The following DOP1B variants were observed in gnomAD, a reference collection of about 807,000 sequenced individuals.
DOP1B encodes the protein DOP1 leucine zipper like protein B.
Under a neutral mutation model 233.5 loss-of-function variants are expected in DOP1B, and 174 were observed. The ratio of observed to expected loss-of-function variants is 0.75; its 90% CI spans 0.66 to 0.85. The LOEUF is 0.85. DOP1B is among the 40% of genes least tolerant of loss of function. DOP1B has a pLI of 0.00. For missense variants in DOP1B, 2,652 were observed against 2,846.6 expected, an observed-to-expected ratio of 0.93 and a Z score of 1.56; for synonymous variants, 1,190 against 1,185.6, an observed-to-expected ratio of 1.00 and a Z score of -0.08.
intron 4 of DOP1B, among the ~76,000 whole-genome samples, chr21:36,201,345 C>CTTTTTTTTTTTTCTTTTTT (rs2066363912): frequency 2.4e-5 from 2 of 83,290 alleles, no homozygotes; most frequent in Non-Finnish European, 2.2e-5. Flanking sequence ...CTATTGGATT[C>CTTTTTTTTTTTTCTTTTTT]TTTTTTTTTT....
At chr21:36,167,726 G>A (rs1028399768) in intron 2 of DOP1B, among the ~76,000 whole-genome samples, 4 of 111,414 alleles carry the variant, frequency 3.6e-5, no homozygotes, top group African/African-American at 1.1e-4. Context: ...CCCCAGCCCC[G>A]GTAACCACGA....
At chr21:36,260,035 CGGT>C (rs2067150230) in intron 23 of DOP1B, among the ~76,000 whole-genome samples, 1 of 151,324 alleles carries the variant, frequency 6.6e-6, no homozygotes, top group African/African-American at 2.4e-5. Context: ...TGGCCGGGTG[CGGT>C]GGTTCTACTT....
chr21:36,229,464 C>G (rs9975556), intron 13 of DOP1B, among the ~76,000 whole-genome samples: 3,272 of 152,168 alleles, frequency 0.022, 42 homozygotes, highest in Non-Finnish European at 0.033. Context: ...GTCTCTGTGT[C>G]CAGATCTCTC....
chr21:36,276,944 C>G (rs1401046338), intron 27 of DOP1B, 77 bp from the exon 28 acceptor site: 1 of 1,442,744 alleles, frequency 6.9e-7, no homozygotes. Context: ...GGCTCACATT[C>G]ATGCAGGGCT....
At chr21:36,230,281 C>G (rs896074448) in intron 13 of DOP1B, among the ~76,000 whole-genome samples, 169 bp from the exon 14 acceptor site, 1 of 152,192 alleles carries the variant, frequency 6.6e-6, no homozygotes, top group Non-Finnish European at 1.5e-5. Context: ...CTCTCCTTCT[C>G]CTGCTTTGGG....
At chr21:36,165,181 C>T (rs762002849) in intron 2 of DOP1B, among the ~76,000 whole-genome samples, 16 of 151,972 alleles carry the variant, frequency 1.1e-4, no homozygotes, top group Non-Finnish European at 2.1e-4. Context: ...ATATAGTGTT[C>T]GTATAGTTGA....
chr21:36,192,968 A>G lies in DOP1B; in HGVS notation c.139-6102A>G, dbSNP rs572594175. 3.1e-3 allele frequency among the ~76,000 whole-genome samples: 473 copies of G among 152,080 alleles called. 2 individuals carry two copies. The highest frequency in any genetic ancestry group is 0.011 in the African/African-American group (455 of 41,500). Reference sequence around the variant, plus strand: ...CTCCCAAAGTGCTGGGATTACAGGCATGAGCCACCATGCCCGGCCCCACTT... The same window carrying G: ...CTCCCAAAGTGCTGGGATTACAGGCGTGAGCCACCATGCCCGGCCCCACTT... On this transcript the variant is annotated intron_variant, in intron 2 of 36. Transcript: ENST00000691173.
intron 1 of DOP1B, among the ~76,000 whole-genome samples, chr21:36,163,157 C>T (rs149133260): frequency 2.0e-5 from 3 of 151,836 alleles, no homozygotes; most frequent in African/African-American, 7.2e-5. Context: ...CCAGCCTGAC[C>T]AACACGTGAA....
chr21:36,231,269 A>C, intron 14 of DOP1B, 135 bp downstream of exon 14: 1 of 1,185,156 alleles, frequency 8.4e-7, no homozygotes, highest in South Asian at 1.7e-5. Context: ...GATTTTTGGA[A>C]TATTTGCCTT....
rs1182245307 is a variant in DOP1B at position 36,223,240 on chromosome 21, G to A, written c.1260G>A (p.Lys420=). 48 of 1,600,260 alleles carry A rather than the reference G, an allele frequency of 3.0e-5. No homozygotes were observed. Among genetic ancestry groups the A allele is most frequent in the Non-Finnish European group, 4.0e-5 (47 of 1,176,176 alleles). The stretch of plus-strand genomic sequence containing the variant: ...TCCTCCCCTTTTACAGTGCAATCAA[G>A]GAAAACAGAAATGCCTCTGAGATTG... ...QSGNSLISAI[K]ENRNASEIVK... is the part of the protein sequence containing the mutation. Residue 420 remains lysine (K), a synonymous_variant, in exon 11 of 37, where the codon AAG becomes AAA. Coordinates refer to ENST00000691173, the MANE Select transcript of DOP1B (RefSeq NM_001320714.2).
In DOP1B at chr21:36,208,620, C is replaced by G. The variant is rs751144781; in HGVS notation, c.492-95C>G. ...TGGGGCTTCCCCAGCCAGGCGAATC[C>G]GCTGTGGTTCTTCATGCAGCATTCG... On this transcript the variant is annotated intron_variant, in intron 4 of 36. Transcript: ENST00000691173. The G allele has an allele frequency of 6.7e-6, 9 of 1,350,014 alleles. No homozygotes were observed. The African/African-American group carries it at 1.3e-4, about 20-fold the overall frequency. The allele number at this position is 1,350,014 out of a possible 1,614,324, so 83.6% of individuals were successfully genotyped here.
At chr21:36,226,411 C>A (rs2066683279) in intron 12 of DOP1B, among the ~76,000 whole-genome samples, 1 of 151,872 alleles carries the variant, frequency 6.6e-6, no homozygotes, top group African/African-American at 2.4e-5. Context: ...GATTCTCCTG[C>A]CTCGGCCTCC....
At chr21:36,169,395 C>A in intron 2 of DOP1B, 1 of 865,718 alleles carries the variant, frequency 1.2e-6, no homozygotes. Flanking sequence ...ATGGAGAAGG[C>A]CACATGGTCA....
chr21:36,290,797 CA>C (rs138791873), intron 35 of DOP1B, among the ~76,000 whole-genome samples: 58,779 of 129,752 alleles, frequency 0.45, 12,054 homozygotes, highest in Middle Eastern at 0.56. Context: ...GACTCCATCT[CA>C]AAAAAAAAAA....
intron 22 of DOP1B, among the ~76,000 whole-genome samples, chr21:36,252,456 TAAA>T (rs565981647): frequency 1.6e-4 from 16 of 102,150 alleles, no homozygotes; most frequent in Admixed American, 2.2e-4. Context: ...ACACTTCATG[TAAA>T]AAAAAAAAAA....
chr21:36,284,838 T>A (rs2067464610), intron 32 of DOP1B, among the ~76,000 whole-genome samples: 1 of 150,542 alleles, frequency 6.6e-6, no homozygotes, highest in Non-Finnish European at 1.5e-5. Flanking sequence ...TATTAATATG[T>A]TATATAATTA....
intron 34 of DOP1B, 65 bp from the exon 35 acceptor site, chr21:36,288,980 A>T: frequency 6.3e-7 from 1 of 1,578,246 alleles, no homozygotes; most frequent in Non-Finnish European, 8.6e-7. Context: ...GGGACAGGTC[A>T]TAGGTGAATG....
intron 2 of DOP1B, among the ~76,000 whole-genome samples, chr21:36,165,400 GTGTGTGTGCA>G (rs1001735944): frequency 1.3e-5 from 2 of 152,116 alleles, no homozygotes; most frequent in African/African-American, 4.8e-5. Context: ...AAACTTGTGT[GTGTGTGTGCA>G]TGTGTGTGCA....
At chr21:36,273,433 G>A (rs557415296) in intron 27 of DOP1B, among the ~76,000 whole-genome samples, 17 of 152,040 alleles carry the variant, frequency 1.1e-4, no homozygotes, top group Non-Finnish European at 1.6e-4. Context: ...TTTTTTTAAT[G>A]ACTAAAAGAA....
Sources: allele counts gnomAD v4.1 joint callset (sites outside exome capture counted in the v4.1 genomes callset), GRCh38; gene constraint gnomAD v4.1.1; transcripts MANE v1.5; gene names NCBI Gene and HGNC (gene_info 2026-07-23, HGNC 2026-07-21).